Variants in EPHA6 observed in about 807,000 individuals in gnomAD.
EPHA6 encodes ephrin type-A receptor 6.
EPHA6 carries 50 observed loss-of-function variants against 112.0 expected under a neutral mutation model. The ratio of observed to expected loss-of-function variants is 0.45; its 90% CI spans 0.36 to 0.56. The LOEUF (loss-of-function observed/expected upper bound fraction) is 0.56, where lower values mean the gene tolerates loss of function less well. Ranked by LOEUF, EPHA6 falls within the 20% of genes least tolerant of loss-of-function variation. The pLI is 0.00. For missense variants in EPHA6, 1,280 were observed against 1,417.4 expected (o/e 0.90, Z 1.56); for synonymous variants, 529 against 490.7 (o/e 1.08, Z -1.03).
At chr3:97,501,152 C>G (rs2092106620) in intron 10 of EPHA6, among the ~76,000 whole-genome samples, 2 of 152,056 alleles carry the variant, frequency 1.3e-5, no homozygotes, top group South Asian at 4.1e-4. Flanking sequence ...AGAAATCTGC[C>G]AATAAGGCAG....
intron 3 of EPHA6, among the ~76,000 whole-genome samples, chr3:97,115,119 TTAAAA>T (rs1026727443): frequency 5.9e-5 from 9 of 151,980 alleles, no homozygotes; most frequent in African/African-American, 1.9e-4. Context: ...TCAAAAGGCC[TTAAAA>T]TAATTTTAGT....
chr3:97,759,120 T>G lies in EPHA6; in HGVS notation c.*10419T>G, dbSNP rs1175839324. Among the ~76,000 whole-genome samples the G allele has an allele frequency of 1.3e-5, 2 of 151,950 alleles. No homozygotes were observed. Among genetic ancestry groups the G allele is most frequent in the African/African-American group, 4.8e-5 (2 of 41,408 alleles). Reference sequence around the variant, plus strand: ...TAAACAGAAGAAATGGAGTATAAAGTAAGCTAGAGAAAAAGGAAATGCAGT... The same window carrying G: ...TAAACAGAAGAAATGGAGTATAAAGGAAGCTAGAGAAAAAGGAAATGCAGT... On this transcript the variant is annotated 3_prime_UTR_variant, in exon 18 of 18. Transcript: ENST00000389672.
chr3:97,083,881 T>C (rs2046802528), intron 3 of EPHA6, among the ~76,000 whole-genome samples: 1 of 151,506 alleles, frequency 6.6e-6, no homozygotes, highest in South Asian at 2.1e-4. Flanking sequence ...TGTATATACA[T>C]ACATGAAATT....
At chr3:97,505,138 T>C (rs962388395) in intron 10 of EPHA6, among the ~76,000 whole-genome samples, 1 of 152,164 alleles carries the variant, frequency 6.6e-6, no homozygotes, top group African/African-American at 2.4e-5. Context: ...GCTAAATCAG[T>C]GACTTTAGAT....
chr3:97,270,563 A>G (rs2079844104), intron 5 of EPHA6, among the ~76,000 whole-genome samples: 1 of 152,176 alleles, frequency 6.6e-6, no homozygotes, highest in Non-Finnish European at 1.5e-5. Flanking sequence ...AAACAATACA[A>G]TCTTCTGAGC....
At chr3:96,949,381 TTA>T (rs1356407497) in intron 2 of EPHA6, among the ~76,000 whole-genome samples, 1 of 152,142 alleles carries the variant, frequency 6.6e-6, no homozygotes. Flanking sequence ...GCAGTATTAC[TTA>T]TTAGCTGTGT....
At chr3:97,253,837 T>C (rs917118029) in intron 5 of EPHA6, among the ~76,000 whole-genome samples, 7 of 152,250 alleles carry the variant, frequency 4.6e-5, no homozygotes, top group African/African-American at 1.4e-4. Flanking sequence ...TGTTTGGCCA[T>C]TGTCTATCTA....
At chr3:97,359,564 G>A (rs1421103089) in intron 5 of EPHA6, among the ~76,000 whole-genome samples, 2 of 151,268 alleles carry the variant, frequency 1.3e-5, no homozygotes, top group African/African-American at 4.8e-5. Flanking sequence ...GTCTTTTTCA[G>A]GGACAGTTTT....
intron 3 of EPHA6, among the ~76,000 whole-genome samples, chr3:97,027,054 A>G (rs1257326566): frequency 6.6e-6 from 1 of 152,234 alleles, no homozygotes; most frequent in African/African-American, 2.4e-5. Context: ...CCCATCAGTG[A>G]TAGACTGGAT....
chr3:97,326,058 A>G (rs905626298), intron 5 of EPHA6, among the ~76,000 whole-genome samples: 2 of 152,098 alleles, frequency 1.3e-5, no homozygotes, highest in African/African-American at 4.8e-5. Context: ...CATGCACAAT[A>G]TATTGTATGA....
intron 5 of EPHA6, among the ~76,000 whole-genome samples, chr3:97,378,953 A>C (rs1216497970): frequency 2.0e-5 from 3 of 152,090 alleles, no homozygotes. Context: ...GACAGTTAGG[A>C]AGGCATGATT....
intron 3 of EPHA6, among the ~76,000 whole-genome samples, chr3:97,172,405 A>G (rs572793644): frequency 1.3e-5 from 2 of 152,154 alleles, no homozygotes; most frequent in East Asian, 1.9e-4. Context: ...TCTATCCAGA[A>G]TGCTAAAACT....
rs149521995 is a variant in EPHA6 at position 97,601,384 on chromosome 3, C to T, written c.2512+8647C>T. On this transcript the variant is annotated intron_variant, in intron 12 of 17. Coordinates refer to ENST00000389672, the MANE Select transcript of EPHA6 (RefSeq NM_001080448.3). ...ATAAGAAACTAGGCTGCTCAGCTGT[C>T]TATTCCTCTCCAGAGAGCCATGTTG... 8.6e-3 allele frequency among the ~76,000 whole-genome samples: 1,316 copies of T among 152,246 alleles called. 18 individuals carry two copies. The highest frequency in any genetic ancestry group is 0.028 in the African/African-American group (1,183 of 41,544).
In EPHA6 at chr3:97,751,070, A is replaced by T. The variant is rs1335802631; in HGVS notation, c.*2369A>T. On this transcript the variant is annotated 3_prime_UTR_variant, in exon 18 of 18. Coordinates refer to ENST00000389672, the MANE Select transcript of EPHA6 (RefSeq NM_001080448.3). ...AACAGATATAAAACAGATTAAATTTATTAATCATATATTTATTTTTATAAT... is the reference window on the plus strand; with the variant it reads ...AACAGATATAAAACAGATTAAATTTTTTAATCATATATTTATTTTTATAAT... 6.6e-6 allele frequency among the ~76,000 whole-genome samples: 1 copy of T among 152,160 alleles called. No individual in the cohort carries two copies. Among genetic ancestry groups the T allele is most frequent in the South Asian group, 2.1e-4 (1 of 4,838 alleles).
chr3:96,947,075 T>C (rs1435950680), intron 2 of EPHA6, among the ~76,000 whole-genome samples: 2 of 151,970 alleles, frequency 1.3e-5, no homozygotes, highest in Admixed American at 6.6e-5. Context: ...AGATTCTGGA[T>C]ATTAGGCCTT....
At chr3:97,585,688 G>A (rs2093481228) in intron 11 of EPHA6, among the ~76,000 whole-genome samples, 1 of 151,062 alleles carries the variant, frequency 6.6e-6, no homozygotes, top group Non-Finnish European at 1.5e-5. Context: ...GTTGGGGTTA[G>A]TGTGCAGGTA....
intron 6 of EPHA6, among the ~76,000 whole-genome samples, chr3:97,414,540 G>T (rs1194605455): frequency 6.6e-6 from 1 of 151,932 alleles, no homozygotes; most frequent in Non-Finnish European, 1.5e-5. Flanking sequence ...CATAGTAACC[G>T]ATGTATAGTA....
intron 2 of EPHA6, among the ~76,000 whole-genome samples, chr3:96,983,791 T>C (rs552166348): frequency 1.3e-5 from 2 of 152,302 alleles, no homozygotes; most frequent in East Asian, 3.9e-4. Flanking sequence ...TTCTGACTTC[T>C]TTTCATTCAT....
chr3:96,832,164 A>G (rs932768230), intron 1 of EPHA6, among the ~76,000 whole-genome samples: 1 of 152,084 alleles, frequency 6.6e-6, no homozygotes, highest in African/African-American at 2.4e-5. Flanking sequence ...TAATCACTTC[A>G]CTGCTCATGT....
Sources: gnomAD v4.1 joint callset for allele counts (sites outside exome capture counted in the v4.1 genomes callset) on GRCh38, gnomAD v4.1.1 for gene constraint, MANE v1.5 for transcripts, NCBI Gene and HGNC (gene_info 2026-07-23, HGNC 2026-07-21) for gene names.